CCDC141: variants seen among roughly 807,000 people sequenced by gnomAD.
CCDC141 encodes coiled-coil domain-containing protein 141.
Under a neutral mutation model 181.0 loss-of-function variants are expected in CCDC141, and 168 were observed. The ratio of observed to expected loss-of-function variants is 0.93; its 90% CI spans 0.82 to 1.05. The LOEUF is 1.05. Among genes scored for constraint, CCDC141 ranks in the 50% least tolerant of loss-of-function variants. The probability of loss-of-function intolerance (pLI) is 0.00; values close to 1 mark genes in which losing one functional copy is unlikely to be tolerated. For synonymous variants in CCDC141, 666 were observed against 642.3 expected, an observed-to-expected ratio of 1.04 and a Z score of -0.56; for missense variants, 1,902 against 1,788.5, an observed-to-expected ratio of 1.06 and a Z score of -1.14.
At chr2:178,943,296 A>C (rs1424775664) in intron 6 of CCDC141, among the ~76,000 whole-genome samples, 1 of 152,222 alleles carries the variant, frequency 6.6e-6, no homozygotes, top group Non-Finnish European at 1.5e-5. Flanking sequence ...AAATTAAAAA[A>C]TAATCAGTCA....
chr2:178,843,431 T>C (rs1374684904), intron 22 of CCDC141, among the ~76,000 whole-genome samples: 1 of 152,254 alleles, frequency 6.6e-6, no homozygotes, highest in Non-Finnish European at 1.5e-5. Context: ...GTTAATACTG[T>C]GTGCTTCCAT....
At chr2:178,978,696 C>A (rs1391839026) in intron 2 of CCDC141, 21 bp from the exon 3 acceptor site, 2 of 1,490,976 alleles carry the variant, frequency 1.3e-6, no homozygotes, top group Non-Finnish European at 1.8e-6. Flanking sequence ...AAGAAAAAGG[C>A]ATAAGGCAGG....
At chr2:178,981,668 A>G (rs1486153420) in intron 2 of CCDC141, among the ~76,000 whole-genome samples, 1 of 138,416 alleles carries the variant, frequency 7.2e-6, no homozygotes, top group African/African-American at 2.7e-5. Flanking sequence ...ACATACATAT[A>G]TACATATATA....
intron 4 of CCDC141, among the ~76,000 whole-genome samples, 188 bp from the exon 5 acceptor site, chr2:178,961,671 C>A (rs773078772): frequency 1.3e-5 from 2 of 152,144 alleles, no homozygotes; most frequent in Non-Finnish European, 2.9e-5. Flanking sequence ...TGGTCAAACA[C>A]CTTAGCCGAA....
At chr2:178,944,690 G>A in intron 5 of CCDC141, 39 bp from the exon 6 acceptor site, 1 of 963,954 alleles carries the variant, frequency 1.0e-6, no homozygotes, top group East Asian at 2.7e-5. Flanking sequence ...AAATTCAAAT[G>A]ATCAGAATAA....
intron 8 of CCDC141, among the ~76,000 whole-genome samples, chr2:178,897,344 C>A (rs1438903225): frequency 6.6e-6 from 1 of 152,162 alleles, no homozygotes; most frequent in Non-Finnish European, 1.5e-5. Flanking sequence ...AGAAAGTGAT[C>A]ATGTCCTGTT....
rs1199523933 is a variant in CCDC141, at chr2:178,905,375, C to T, written c.1219G>A (p.Ala407Thr). Residue 407 changes from alanine (A) to threonine (T), a missense_variant, in exon 8 of 24, where the codon GCT (alanine) becomes ACT (threonine). Ala to Thr is a moderately conservative substitution (Grantham distance 58). Coordinates refer to ENST00000443758, the MANE Select transcript of CCDC141 (RefSeq NM_173648.4). Reference sequence around the variant, plus strand: ...ATTAAGGTTTGTCCCTTTTGCAAAGCATCAGTTGTGCAGTCTTTAATTTTT... The same window carrying T: ...ATTAAGGTTTGTCCCTTTTGCAAAGTATCAGTTGTGCAGTCTTTAATTTTT... ...HRKIKDCTTD[A>T]LQKGQTLISQ... The T allele has an allele frequency of 5.2e-6, 8 of 1,550,334 alleles. No individual in the cohort carries two copies. The highest frequency in any genetic ancestry group is 7.0e-6 in the Non-Finnish European group (8 of 1,146,880).
chr2:178,855,703 C>A (rs1473849237), intron 18 of CCDC141, among the ~76,000 whole-genome samples, 162 bp from the exon 19 acceptor site: 4 of 152,168 alleles, frequency 2.6e-5, no homozygotes, highest in Non-Finnish European at 5.9e-5. Context: ...GGTTTCCCCC[C>A]AAATTCTATT....
intron 2 of CCDC141, among the ~76,000 whole-genome samples, chr2:179,034,359 G>GA (rs1272580175): frequency 6.6e-6 from 1 of 152,118 alleles, no homozygotes; most frequent in East Asian, 1.9e-4. Flanking sequence ...GGTAGAGGGT[G>GA]GGAGGAATGA....
chr2:178,922,076 G>T lies in CCDC141; in HGVS notation c.898-3169C>A, dbSNP rs7587890. On this transcript the variant is annotated intron_variant, in intron 6 of 23. Coordinates refer to ENST00000443758, the MANE Select transcript of CCDC141 (RefSeq NM_173648.4). ...GGGGCAAGGAAAATGCAGAAGTTAG[G>T]ATATGAAGAAATGAAATATAGCCAT... Among the ~76,000 whole-genome samples the T allele has an allele frequency of 1.9e-3, 286 of 152,288 alleles. 1 individual carries two copies. Among genetic ancestry groups the T allele is most frequent in the African/African-American group, 6.4e-3 (267 of 41,562 alleles).
At position 178,856,323 on chromosome 2, in the gene CCDC141, T is replaced by C. The variant is rs529109294; in HGVS notation, c.2799A>G (p.Lys933=). 19 of 1,611,364 alleles carry C rather than the reference T, an allele frequency of 1.2e-5. No individual in the cohort carries two copies. In the Admixed American group the frequency reaches 1.7e-4, roughly 14 times the overall value. ...LKFNYTKKNE[K]SRNLKALKYQ... ...ATTTAAGCGCCTTCAGATTCCGAGA[T>C]TTTTCATTTTTCTTAGTGTAATTAA... The change falls in exon 18 of 24, where the codon AAA becomes AAG. Residue 933 remains lysine (K), a synonymous_variant. Coordinates refer to ENST00000443758, the MANE Select transcript of CCDC141 (RefSeq NM_173648.4).
chr2:178,996,954 C>G (rs1409760618), intron 2 of CCDC141, among the ~76,000 whole-genome samples: 1 of 152,160 alleles, frequency 6.6e-6, no homozygotes, highest in Non-Finnish European at 1.5e-5. Flanking sequence ...CTTCCCAAGA[C>G]CTATCAAATA....
intron 2 of CCDC141, among the ~76,000 whole-genome samples, chr2:178,986,986 C>G (rs1185370945): frequency 6.6e-6 from 1 of 151,954 alleles, no homozygotes; most frequent in African/African-American, 2.4e-5. Context: ...TCATATGGAA[C>G]CAAAAAAGAG....
At chr2:179,001,283 G>A (rs1176991857) in intron 2 of CCDC141, among the ~76,000 whole-genome samples, 1 of 152,082 alleles carries the variant, frequency 6.6e-6, no homozygotes, top group Non-Finnish European at 1.5e-5. Flanking sequence ...TGAACTCTTA[G>A]GGACATGAGA....
intron 12 of CCDC141, chr2:178,877,655 T>C: frequency 2.6e-6 from 1 of 388,958 alleles, no homozygotes; most frequent in East Asian, 4.9e-5. Context: ...TGTTGCATGC[T>C]TTCAAAATAA....
intron 2 of CCDC141, among the ~76,000 whole-genome samples, chr2:179,030,375 G>A (rs948964383): frequency 6.6e-6 from 1 of 151,964 alleles, no homozygotes; most frequent in Non-Finnish European, 1.5e-5. Flanking sequence ...AATCCTTTTA[G>A]CTATTTTTAG....
At chr2:178,925,612 T>C (rs1472113702) in intron 6 of CCDC141, among the ~76,000 whole-genome samples, 1 of 152,212 alleles carries the variant, frequency 6.6e-6, no homozygotes, top group African/African-American at 2.4e-5. Context: ...CCAAGAACCA[T>C]TTTCTTCTTT....
chr2:179,049,646 G>A (rs868785550), intron 1 of CCDC141, among the ~76,000 whole-genome samples, 194 bp downstream of exon 1: 6 of 149,962 alleles, frequency 4.0e-5, no homozygotes, highest in Non-Finnish European at 7.4e-5. Flanking sequence ...TGACTGAAAG[G>A]AAAGAGAATC....
At chr2:178,981,908 A>G (rs1004004652) in intron 2 of CCDC141, among the ~76,000 whole-genome samples, 6 of 151,342 alleles carry the variant, frequency 4.0e-5, no homozygotes, top group African/African-American at 1.5e-4. Flanking sequence ...GCTAATCAAG[A>G]AAGAAAGAAA....
Sources: allele counts gnomAD v4.1 joint callset (sites outside exome capture counted in the v4.1 genomes callset), GRCh38; gene constraint gnomAD v4.1.1; transcripts MANE v1.5; gene names NCBI Gene and HGNC (gene_info 2026-07-23, HGNC 2026-07-21).